ADAMTSL1: variants seen among roughly 807,000 people sequenced by gnomAD.
The protein encoded by ADAMTSL1 is ADAMTS like 1.
Under a neutral mutation model 201.8 loss-of-function variants are expected in ADAMTSL1, and 126 were observed. The ratio of observed to expected loss-of-function variants is 0.62; its 90% CI spans 0.54 to 0.72. The LOEUF is 0.72. Among genes scored for constraint, ADAMTSL1 ranks in the 30% least tolerant of loss-of-function variants. ADAMTSL1 has a pLI of 0.00. For missense variants in ADAMTSL1, 2,679 were observed against 2,277.8 expected (o/e 1.18, Z -3.59); for synonymous variants, 1,121 against 903.4 (o/e 1.24, Z -4.32).
chr9:18,228,726 T>C (rs1433960969), intron 2 of ADAMTSL1, among the ~76,000 whole-genome samples: 1 of 152,216 alleles, frequency 6.6e-6, no homozygotes, highest in Admixed American at 6.5e-5. Context: ...CAGGGGATTT[T>C]CTAATGCCTT....
intron 2 of ADAMTSL1, among the ~76,000 whole-genome samples, chr9:18,384,593 C>T (rs116822231): frequency 9.4e-4 from 143 of 152,260 alleles, no homozygotes; most frequent in African/African-American, 3.4e-3. Flanking sequence ...GAATGGGGTA[C>T]CTGCCCCACC....
intron 1 of ADAMTSL1, among the ~76,000 whole-genome samples, chr9:17,997,989 A>T (rs1196394040): frequency 2.0e-5 from 3 of 152,040 alleles, no homozygotes; most frequent in African/African-American, 7.2e-5. Flanking sequence ...ATAGAAATAG[A>T]AGCAGTATTC....
chr9:18,319,092 C>T (rs1476009176), intron 2 of ADAMTSL1, among the ~76,000 whole-genome samples: 1 of 152,072 alleles, frequency 6.6e-6, no homozygotes, highest in African/African-American at 2.4e-5. Context: ...CACGCCTGTA[C>T]TGTAATGCCA....
intron 2 of ADAMTSL1, among the ~76,000 whole-genome samples, chr9:18,430,291 A>G (rs1272420955): frequency 6.6e-6 from 1 of 152,178 alleles, no homozygotes; most frequent in African/African-American, 2.4e-5. Context: ...GCAAAGCTTC[A>G]CCAACAGTAT....
chr9:18,824,690 CTTTTTT>C (rs34551511), intron 21 of ADAMTSL1, among the ~76,000 whole-genome samples: 16 of 75,740 alleles, frequency 2.1e-4, no homozygotes, highest in East Asian at 2.1e-3. Flanking sequence ...GGACTTGACC[CTTTTTT>C]TTTTTTTTTT....
chr9:18,864,172 A>C (rs2131428698), intron 23 of ADAMTSL1, among the ~76,000 whole-genome samples: 1 of 152,140 alleles, frequency 6.6e-6, no homozygotes, highest in Non-Finnish European at 1.5e-5. Context: ...GTATATTCTT[A>C]TTTTCAGAGC....
intron 2 of ADAMTSL1, among the ~76,000 whole-genome samples, chr9:18,354,971 TATAA>T (rs1050627468): frequency 4.6e-5 from 7 of 151,606 alleles, no homozygotes; most frequent in African/African-American, 9.7e-5. Context: ...ACTCCATCTC[TATAA>T]ATAAACAAAC....
At chr9:18,758,295 C>T (rs1273488222) in intron 16 of ADAMTSL1, among the ~76,000 whole-genome samples, 1 of 152,220 alleles carries the variant, frequency 6.6e-6, no homozygotes, top group Non-Finnish European at 1.5e-5. Flanking sequence ...GTCCTAAAAT[C>T]AGCAGTTTAC....
intron 2 of ADAMTSL1, among the ~76,000 whole-genome samples, chr9:18,449,704 A>C (rs902885049): frequency 1.3e-5 from 2 of 152,186 alleles, no homozygotes; most frequent in Non-Finnish European, 2.9e-5. Context: ...ACCCAATAAA[A>C]ATTAGACAGA....
chr9:18,473,422 T>A (rs1411567419), upstream of ADAMTSL1, among the ~76,000 whole-genome samples: 1 of 152,182 alleles, frequency 6.6e-6, no homozygotes, highest in African/African-American at 2.4e-5. Flanking sequence ...GCCTTTACAA[T>A]TAGCAAATCT....
In ADAMTSL1 at chr9:18,752,779, C is replaced by A. The variant is rs118038657; in HGVS notation, c.2007-519C>A. On this transcript the variant is annotated intron_variant, in intron 15 of 28. Transcript: ENST00000380548. ...GTCCCAGGCAGTGATGATGTTTAAACGTAAGACAGAGACGTTTCTATGCAG... is the reference window on the plus strand; with the variant it reads ...GTCCCAGGCAGTGATGATGTTTAAAAGTAAGACAGAGACGTTTCTATGCAG... 3.7e-3 allele frequency among the ~76,000 whole-genome samples: 563 copies of A among 152,320 alleles called. 6 individuals carry two copies. The highest frequency in any genetic ancestry group is 0.033 in the Admixed American group (500 of 15,294).
chr9:17,945,640 A>G (rs1447126493), intron 1 of ADAMTSL1, among the ~76,000 whole-genome samples: 1 of 152,248 alleles, frequency 6.6e-6, no homozygotes, highest in South Asian at 2.1e-4. Context: ...GCAGCCATGA[A>G]AAATGATGAA....
chr9:18,374,373 C>A (rs910812335), intron 2 of ADAMTSL1, among the ~76,000 whole-genome samples: 1 of 151,196 alleles, frequency 6.6e-6, no homozygotes, highest in East Asian at 1.9e-4. Flanking sequence ...CTCACTCTGT[C>A]ACCCAGCAAT....
chr9:18,474,256 T>TC lies in ADAMTSL1; in HGVS notation c.26dup (p.Gly10TrpfsTer35). 1 of 1,614,198 alleles carries TC rather than the reference T, an allele frequency of 6.2e-7. No homozygotes were observed. The highest frequency in any genetic ancestry group is 8.5e-7 in the Non-Finnish European group (1 of 1,180,026). On this transcript the variant is annotated frameshift_variant, in exon 1 of 29. Transcript: ENST00000380548. LOFTEE classifies it high-confidence loss of function. ...GCATGGAATGCTGCCGTCGGGCAAC[T>TC]CCTGGCACACTGCTCCTCTTTCTGG...
intron 7 of ADAMTSL1, among the ~76,000 whole-genome samples, chr9:18,652,370 A>G (rs1402012748): frequency 3.3e-5 from 5 of 149,452 alleles, no homozygotes; most frequent in African/African-American, 1.0e-4. Context: ...CATCTCAAAA[A>G]AAAAAAAAAA....
At chr9:17,929,583 G>T (rs1028422374) in intron 1 of ADAMTSL1, among the ~76,000 whole-genome samples, 1 of 151,978 alleles carries the variant, frequency 6.6e-6, no homozygotes, top group Non-Finnish European at 1.5e-5. Context: ...CTACCCAGGT[G>T]TCCTGCCCTT....
chr9:18,561,729 T>G (rs1246868469), intron 3 of ADAMTSL1, among the ~76,000 whole-genome samples: 2 of 152,220 alleles, frequency 1.3e-5, no homozygotes, highest in Non-Finnish European at 2.9e-5. Flanking sequence ...CATATATATT[T>G]AGGATAGTTA....
intron 20 of ADAMTSL1, among the ~76,000 whole-genome samples, chr9:18,798,465 C>T (rs181056304): frequency 5.2e-4 from 79 of 152,306 alleles, no homozygotes; most frequent in Middle Eastern, 6.8e-3. Context: ...ATGTAGCAGG[C>T]ACTCAATATT....
intron 2 of ADAMTSL1, among the ~76,000 whole-genome samples, chr9:18,387,589 C>G (rs780227811): frequency 1.3e-5 from 2 of 151,986 alleles, no homozygotes; most frequent in Non-Finnish European, 2.9e-5. Flanking sequence ...TTCTTAAAAT[C>G]ATGTTTTTGA....
Sources: gnomAD v4.1 joint callset for allele counts (sites outside exome capture counted in the v4.1 genomes callset) on GRCh38, gnomAD v4.1.1 for gene constraint, MANE v1.5 for transcripts, NCBI Gene and HGNC (gene_info 2026-07-23, HGNC 2026-07-21) for gene names.